The following ASIC2 variants were observed in gnomAD, a reference collection of about 807,000 sequenced individuals.
The protein encoded by ASIC2 is acid sensing ion channel subunit 2.
A neutral mutation model predicts 57.3 loss-of-function variants in ASIC2; 25 were observed. The ratio of observed to expected loss-of-function variants is 0.44; its 90% CI spans 0.32 to 0.61. ASIC2 has a LOEUF of 0.61. ASIC2 is among the 20% of genes least tolerant of loss of function. The probability of loss-of-function intolerance (pLI) is 0.06; values close to 1 mark genes in which losing one functional copy is unlikely to be tolerated. For missense variants in ASIC2, 641 were observed against 738.1 expected (o/e 0.87, Z 1.52); for synonymous variants, 319 against 307.5 (o/e 1.04, Z -0.39).
chr17:33,489,756 T>C (rs2141933178), intron 1 of ASIC2, among the ~76,000 whole-genome samples: 1 of 152,366 alleles, frequency 6.6e-6, no homozygotes, highest in East Asian at 1.9e-4. Flanking sequence ...AAGGCCAGCC[T>C]TCCTGAGTGT....
At chr17:33,584,553 A>C (rs1243824035) in intron 1 of ASIC2, among the ~76,000 whole-genome samples, 1 of 152,016 alleles carries the variant, frequency 6.6e-6, no homozygotes, top group African/African-American at 2.4e-5. Flanking sequence ...GGTTCAGGGG[A>C]GGGAGGTGGC....
chr17:34,036,199 A>G (rs1307794864), intron 1 of ASIC2, among the ~76,000 whole-genome samples: 1 of 150,794 alleles, frequency 6.6e-6, no homozygotes, highest in East Asian at 1.9e-4. Context: ...GCCATAAAAA[A>G]TGATGAGTTC....
At chr17:33,399,804 C>A (rs1368043712) in intron 1 of ASIC2, among the ~76,000 whole-genome samples, 1 of 152,120 alleles carries the variant, frequency 6.6e-6, no homozygotes, top group African/African-American at 2.4e-5. Context: ...TGTGTGTGCA[C>A]CATGGTAGTG....
chr17:33,457,427 G>A (rs1039071602), intron 1 of ASIC2, among the ~76,000 whole-genome samples: 4 of 152,038 alleles, frequency 2.6e-5, no homozygotes, highest in Non-Finnish European at 5.9e-5. Flanking sequence ...GGTGGCAAGC[G>A]ACTAGGCAAA....
chr17:33,113,444 G>A (rs148799378), intron 1 of ASIC2, among the ~76,000 whole-genome samples: 1 of 152,192 alleles, frequency 6.6e-6, no homozygotes, highest in Non-Finnish European at 1.5e-5. Context: ...GGCTGGAAGA[G>A]AGCCAGGCTG....
At chr17:33,796,580 C>G (rs2039434035) in intron 1 of ASIC2, among the ~76,000 whole-genome samples, 1 of 152,144 alleles carries the variant, frequency 6.6e-6, no homozygotes, top group South Asian at 2.1e-4. Context: ...TGAACACTGA[C>G]TCTATATCAT....
chr17:33,160,658 A>T (rs34931909), intron 1 of ASIC2, among the ~76,000 whole-genome samples: 39,190 of 151,962 alleles, frequency 0.26, 5,148 homozygotes, highest in East Asian at 0.4. Context: ...CACATCTGAG[A>T]GAGGTGGGAC....
chr17:33,698,448 A>G (rs1908596992), intron 1 of ASIC2, among the ~76,000 whole-genome samples: 1 of 152,000 alleles, frequency 6.6e-6, no homozygotes, highest in Non-Finnish European at 1.5e-5. Context: ...ATTAGCTGTC[A>G]TTTTTTTTGT....
chr17:33,750,532 T>C (rs559702191), intron 1 of ASIC2, among the ~76,000 whole-genome samples: 47 of 152,234 alleles, frequency 3.1e-4, no homozygotes, highest in African/African-American at 1.1e-3. Context: ...AACTCCAAGA[T>C]GACTTAGTGC....
At chr17:33,330,927 G>A (rs771645486) in intron 1 of ASIC2, among the ~76,000 whole-genome samples, 3 of 152,098 alleles carry the variant, frequency 2.0e-5, no homozygotes, top group Non-Finnish European at 4.4e-5. Context: ...TATTGTGCTC[G>A]GTGTGTTTAA....
intron 1 of ASIC2, among the ~76,000 whole-genome samples, chr17:33,301,681 G>C (rs1905965581): frequency 6.6e-6 from 1 of 152,212 alleles, no homozygotes; most frequent in African/African-American, 2.4e-5. Context: ...CATATGAAAT[G>C]TTAATTATTA....
In ASIC2 at chr17:33,332,848, G is replaced by A. The variant is rs138773984; in HGVS notation, c.556-220781C>T. 1.8e-3 allele frequency among the ~76,000 whole-genome samples: 276 copies of A among 152,262 alleles called. 6 individuals carry two copies. The highest frequency in any genetic ancestry group is 6.1e-3 in the African/African-American group (253 of 41,546). On this transcript the variant is annotated intron_variant, in intron 1 of 9. Coordinates refer to the ASIC2 transcript ENST00000359872. ...GGAGGCTGCAGTGAGCTGAGATTGC[G>A]CCACTGCACTCCAGCCTGGGTGACA...
chr17:33,736,231 G>C (rs1208086990), intron 1 of ASIC2, among the ~76,000 whole-genome samples: 1 of 151,992 alleles, frequency 6.6e-6, no homozygotes, highest in Non-Finnish European at 1.5e-5. Flanking sequence ...TGAGAGAAAA[G>C]ATTATGAAAT....
intron 6 of ASIC2, 94 bp downstream of exon 6, chr17:33,023,767 C>T: frequency 6.5e-7 from 1 of 1,534,994 alleles, no homozygotes; most frequent in Non-Finnish European, 8.9e-7. Context: ...TAACTTGAAC[C>T]AAATGCTTAT....
At chr17:34,024,299 T>G (rs1907291063) in intron 1 of ASIC2, among the ~76,000 whole-genome samples, 1 of 152,188 alleles carries the variant, frequency 6.6e-6, no homozygotes, top group African/African-American at 2.4e-5. Context: ...TCAGCACTAC[T>G]TAGAAACTAA....
chr17:33,670,770 C>T (rs1907614823), intron 1 of ASIC2, among the ~76,000 whole-genome samples: 1 of 152,242 alleles, frequency 6.6e-6, no homozygotes, highest in Non-Finnish European at 1.5e-5. Context: ...TACACAGGCT[C>T]CAGGATGGTA....
At chr17:34,018,793 T>C (rs1907054439) in intron 1 of ASIC2, among the ~76,000 whole-genome samples, 1 of 152,208 alleles carries the variant, frequency 6.6e-6, no homozygotes, top group Non-Finnish European at 1.5e-5. Context: ...TTAAGAAGAA[T>C]CATAAAGTTA....
At chr17:34,113,567 A>G (rs1469706341) in intron 1 of ASIC2, among the ~76,000 whole-genome samples, 1 of 142,802 alleles carries the variant, frequency 7.0e-6, no homozygotes, top group Non-Finnish European at 1.5e-5. Flanking sequence ...GTCTTAAGGA[A>G]AAAAAAAAAA....
intron 1 of ASIC2, among the ~76,000 whole-genome samples, chr17:33,931,945 T>C (rs747276637): frequency 3.3e-5 from 5 of 152,156 alleles, no homozygotes; most frequent in Non-Finnish European, 5.9e-5. Flanking sequence ...TTTATTCAAG[T>C]CTTAGAACTG....
Sources: gnomAD v4.1 joint callset for allele counts (sites outside exome capture counted in the v4.1 genomes callset) on GRCh38, gnomAD v4.1.1 for gene constraint, MANE v1.5 for transcripts, NCBI Gene and HGNC (gene_info 2026-07-23, HGNC 2026-07-21) for gene names.